Variants in SLC9A3 observed in about 807,000 individuals in gnomAD.
SLC9A3 encodes the protein sodium/hydrogen exchanger 3.
Under a neutral mutation model 86.8 loss-of-function variants are expected in SLC9A3, and 37 were observed. That is an observed-to-expected ratio of 0.43 (90% CI 0.33 to 0.56). The LOEUF (loss-of-function observed/expected upper bound fraction) is 0.56. Among genes scored for constraint, SLC9A3 ranks in the 20% least tolerant of loss-of-function variants. SLC9A3 has a pLI of 0.06. For missense variants in SLC9A3, 1,011 were observed against 1,171.9 expected (o/e 0.86, Z 2.00); for synonymous variants, 581 against 528.3 (o/e 1.10, Z -1.37).
At chr5:481,061 T>C (rs1217596652) in intron 9 of SLC9A3, among the ~76,000 whole-genome samples, 2 of 152,164 alleles carry the variant, frequency 1.3e-5, no homozygotes, top group Non-Finnish European at 2.9e-5. Flanking sequence ...GGCTAATGTT[T>C]GTATTTTTAG....
At position 497,510 on chromosome 5, in the gene SLC9A3, G is replaced by A. The variant is rs905280460; in HGVS notation, c.212-5439C>T. On this transcript the variant is annotated intron_variant, in intron 1 of 16. Coordinates refer to ENST00000264938, the MANE Select transcript of SLC9A3 (RefSeq NM_004174.4). The surrounding 1 kb of genome is among the most constrained non-coding windows in gnomAD (Gnocchi z 5.4). ...CGGACTTTGCTTAGTTCACCTGTCG[G>A]AGCCACTCGTTCACGTTTATCTCTG... Among the ~76,000 whole-genome samples, 2 of 152,214 alleles carry A rather than the reference G, an allele frequency of 1.3e-5. No individual in the cohort carries two copies. The highest frequency in any genetic ancestry group is 2.9e-5 in the Non-Finnish European group (2 of 68,048).
At chr5:518,297 C>G (rs1181687319) in intron 1 of SLC9A3, among the ~76,000 whole-genome samples, 3 of 152,096 alleles carry the variant, frequency 2.0e-5, no homozygotes, top group Non-Finnish European at 2.9e-5. Flanking sequence ...GTCTGGCATC[C>G]CAGGACCTGG....
At chr5:519,090 T>C (rs1264104761) in intron 1 of SLC9A3, among the ~76,000 whole-genome samples, 1 of 152,156 alleles carries the variant, frequency 6.6e-6, no homozygotes, top group Non-Finnish European at 1.5e-5. Flanking sequence ...CTTCACCCCT[T>C]CAGGGCCAGA....
chr5:524,230 C>T lies in SLC9A3; in HGVS notation c.93G>A (p.Glu31=), dbSNP rs1387615347. 6.7e-7 allele frequency: 1 copy of T among 1,500,934 alleles called. No individual in the cohort carries two copies. The highest frequency in any genetic ancestry group is 2.3e-5 in the Admixed American group (1 of 44,270). 93.0% of individuals were successfully genotyped at this position (1,500,934 alleles called of 1,614,324 possible). A position where few individuals can be genotyped will look rare whatever the true frequency, so the allele number is the denominator to read the frequency against. Residue 31 remains glutamate (E), a synonymous_variant, in exon 1 of 17, where the codon GAG becomes GAA. Transcript: ENST00000264938. The part of the protein sequence containing the change: ...GLARAGGVEV[E]PGGAHGESGG... ...CGCTCTCGCCGTGCGCGCCGCCGGG[C>T]TCCACCTCGACGCCCCCGGCCCGCG... is the stretch of plus-strand genomic sequence containing the variant.
At chr5:516,443 G>A (rs1282547198) in intron 1 of SLC9A3, among the ~76,000 whole-genome samples, 1 of 152,190 alleles carries the variant, frequency 6.6e-6, no homozygotes, top group Non-Finnish European at 1.5e-5. Flanking sequence ...AAGGGTATTG[G>A]CTGCCTGTGA....
intron 1 of SLC9A3, among the ~76,000 whole-genome samples, chr5:508,550 C>T (rs1740722612): frequency 1.3e-5 from 2 of 148,266 alleles, no homozygotes; most frequent in African/African-American, 5.0e-5. Context: ...ATGGAGATGC[C>T]GCAGGGAAAC....
At chr5:483,747 C>T (rs1271626659) in intron 5 of SLC9A3, among the ~76,000 whole-genome samples, 1 of 152,272 alleles carries the variant, frequency 6.6e-6, no homozygotes, top group Non-Finnish European at 1.5e-5. Flanking sequence ...TTCCAAAGTC[C>T]CTCCCCACCT....
At chr5:504,729 C>T (rs1246664468) in intron 1 of SLC9A3, among the ~76,000 whole-genome samples, 3 of 152,204 alleles carry the variant, frequency 2.0e-5, no homozygotes, top group Admixed American at 6.5e-5. Context: ...TGTCTCTAAA[C>T]GTGGGGGCTG....
chr5:495,214 G>T (rs1456812360), intron 1 of SLC9A3, among the ~76,000 whole-genome samples: 2 of 152,102 alleles, frequency 1.3e-5, no homozygotes, highest in South Asian at 4.1e-4. Context: ...TGAGGGTTAG[G>T]GTCTTTCAGC....
intron 1 of SLC9A3, among the ~76,000 whole-genome samples, chr5:506,214 G>T (rs1158589406): frequency 6.6e-6 from 1 of 152,164 alleles, no homozygotes; most frequent in Non-Finnish European, 1.5e-5. Flanking sequence ...TTGCCCGGAC[G>T]CAGCAGCCGG....
chr5:518,146 T>C (rs1244259384), intron 1 of SLC9A3, among the ~76,000 whole-genome samples: 1 of 152,190 alleles, frequency 6.6e-6, no homozygotes. Flanking sequence ...TCAACCTGGT[T>C]GAGCCAAAAG....
chr5:501,341 C>CA (rs1740268478), intron 1 of SLC9A3, among the ~76,000 whole-genome samples: 1 of 152,186 alleles, frequency 6.6e-6, no homozygotes, highest in Non-Finnish European at 1.5e-5. Context: ...GCCGAGTCCA[C>CA]AAAAATGCAA....
chr5:485,165 C>T lies in SLC9A3; in HGVS notation c.742G>A (p.Val248Met), dbSNP rs772016118. The T allele has an allele frequency of 3.1e-6, 5 of 1,613,270 alleles. No homozygotes were observed. The highest frequency in any genetic ancestry group is 1.3e-5 in the African/African-American group (1 of 74,930). ...GGDNVTGVDC[V>M]KGIVSFFVVS... Reference sequence around the variant, plus strand: ...CACAGCTACACACCTATGCCCTTCACGCAGTCCACGCCAGTCACGTTGTCA... The same window carrying T: ...CACAGCTACACACCTATGCCCTTCATGCAGTCCACGCCAGTCACGTTGTCA... The change falls in exon 4 of 17, where the codon GTG becomes ATG. Residue 248 changes from valine to methionine, a missense_variant. Physicochemically the swap from Val to Met is conservative, Grantham distance 21. Coordinates refer to ENST00000264938, the MANE Select transcript of SLC9A3 (RefSeq NM_004174.4).
intron 1 of SLC9A3, among the ~76,000 whole-genome samples, chr5:520,018 C>G (rs1278510775): frequency 6.6e-6 from 1 of 152,176 alleles, no homozygotes; most frequent in Non-Finnish European, 1.5e-5. Context: ...TCACATCCCT[C>G]AGCAACACAA....
intron 1 of SLC9A3, among the ~76,000 whole-genome samples, chr5:507,299 C>T (rs1740639828): frequency 6.9e-6 from 1 of 145,386 alleles, no homozygotes; most frequent in African/African-American, 2.6e-5. Context: ...TCCCGAGTAG[C>T]TGGGACTACA....
chr5:515,083 G>A (rs1348346791), intron 1 of SLC9A3, among the ~76,000 whole-genome samples: 1 of 152,154 alleles, frequency 6.6e-6, no homozygotes, highest in African/African-American at 2.4e-5. Flanking sequence ...CTAAGGCAGA[G>A]CCTTCCATGG....
intron 11 of SLC9A3, 174 bp downstream of exon 11, chr5:477,158 G>A: frequency 1.8e-6 from 1 of 567,278 alleles, no homozygotes; most frequent in Non-Finnish European, 3.2e-6. Context: ...AAGGGAGTCT[G>A]GCCACGGCCT....
rs1003685529 is a variant in SLC9A3 at position 476,058 on chromosome 5, A to G, written c.2102T>C (p.Met701Thr). ...NSSIPNGKLP[M>T]ESPAQNFTIK... ...GGTGAAATTCTGCGCAGGGCTCTCC[A>G]TGGGCAGCTTCCCATTGGGGATGCT... The change falls in exon 14 of 17, where the codon ATG (methionine) becomes ACG (threonine). Residue 701 changes from methionine (M) to threonine (T), a missense_variant. This residue lies in a region of SLC9A3 where 397 missense variants were observed against 346.3 expected (regional missense o/e 1.15). Coordinates refer to ENST00000264938, the MANE Select transcript of SLC9A3 (RefSeq NM_004174.4). 4 of 1,613,272 alleles carry G rather than the reference A, an allele frequency of 2.5e-6. No homozygotes were observed. The highest frequency in any genetic ancestry group is 3.4e-6 in the Non-Finnish European group (4 of 1,179,852).
chr5:488,983 G>A (rs562309603), intron 2 of SLC9A3, among the ~76,000 whole-genome samples: 146 of 152,312 alleles, frequency 9.6e-4, no homozygotes, highest in African/African-American at 2.7e-3. Flanking sequence ...CCCGGAAGAC[G>A]TGGGTCCATG....
Sources: allele counts gnomAD v4.1 joint callset (sites outside exome capture counted in the v4.1 genomes callset), GRCh38; gene constraint gnomAD v4.1.1; regional missense constraint gnomAD v4.1.1; non-coding constraint Gnocchi (gnomAD v3.1); transcripts MANE v1.5; gene names NCBI Gene and HGNC (gene_info 2026-07-23, HGNC 2026-07-21).